PTPRT: variants seen among roughly 807,000 people sequenced by gnomAD.
PTPRT encodes the protein receptor-type tyrosine-protein phosphatase T.
Under a neutral mutation model 176.8 loss-of-function variants are expected in PTPRT, and 56 were observed. That is an observed-to-expected ratio of 0.32 (90% CI 0.26 to 0.40). PTPRT has a LOEUF of 0.40. PTPRT is among the 10% of genes least tolerant of loss of function. The pLI is 1.00. For synonymous variants in PTPRT, 783 were observed against 739.0 expected (o/e 1.06, Z -0.96); for missense variants, 1,540 against 1,908.2 (o/e 0.81, Z 3.60).
intron 9 of PTPRT, among the ~76,000 whole-genome samples, chr20:42,400,479 C>T (rs1259079574): frequency 6.6e-6 from 1 of 151,908 alleles, no homozygotes; most frequent in Non-Finnish European, 1.5e-5. Flanking sequence ...CAAGGACAAA[C>T]AAAGATATAT....
At chr20:42,591,759 A>C (rs2145758816) in intron 7 of PTPRT, among the ~76,000 whole-genome samples, 1 of 152,244 alleles carries the variant, frequency 6.6e-6, no homozygotes, top group South Asian at 2.1e-4. Flanking sequence ...TCACTTCTTC[A>C]AAAGTCAGGA....
At chr20:42,359,254 G>T (rs149236982) in intron 9 of PTPRT, among the ~76,000 whole-genome samples, 1 of 152,188 alleles carries the variant, frequency 6.6e-6, no homozygotes, top group Non-Finnish European at 1.5e-5. Context: ...CAACACCGGG[G>T]TCCCTTTGGA....
At chr20:42,592,657 C>G (rs775353082) in intron 7 of PTPRT, among the ~76,000 whole-genome samples, 7 of 152,186 alleles carry the variant, frequency 4.6e-5, no homozygotes, top group East Asian at 1.9e-4. Context: ...AAACACAAGG[C>G]TAGCCCCTCT....
intron 1 of PTPRT, among the ~76,000 whole-genome samples, chr20:43,162,908 A>T (rs998264248): frequency 6.6e-6 from 1 of 152,142 alleles, no homozygotes; most frequent in Admixed American, 6.5e-5. Context: ...TCTTACACCT[A>T]CCATCTCCGT....
At chr20:42,404,972 T>TTTTTTATATATATATATATA (rs960312629) in intron 9 of PTPRT, among the ~76,000 whole-genome samples, 2 of 77,956 alleles carry the variant, frequency 2.6e-5, no homozygotes, top group African/African-American at 9.4e-5. Context: ...GGCCAATTAA[T>TTTTTTATATATATATATATA]TATATATATA....
intron 1 of PTPRT, among the ~76,000 whole-genome samples, chr20:42,979,964 C>A (rs1424728386): frequency 2.3e-5 from 2 of 88,468 alleles, no homozygotes; most frequent in African/African-American, 9.5e-5. Context: ...GGAGAGCATG[C>A]AAGTATGCCG....
chr20:42,901,202 TC>T lies in PTPRT; in HGVS notation c.89-15271del, dbSNP rs2079398949. On this transcript the variant is annotated intron_variant, in intron 1 of 30. Transcript: ENST00000373187. ...TGGCCCCCTGGACACACTTTCTCTC[TC>T]AAACTGTCTTTTCTCATTCCTCTGA... Among the ~76,000 whole-genome samples the T allele has an allele frequency of 2.0e-5, 3 of 152,208 alleles. No individual in the cohort carries two copies. In the South Asian group the frequency reaches 6.2e-4, roughly 32 times the overall value.
chr20:43,047,276 G>T (rs1483634801), intron 1 of PTPRT, among the ~76,000 whole-genome samples: 1 of 152,092 alleles, frequency 6.6e-6, no homozygotes, highest in East Asian at 1.9e-4. Flanking sequence ...ATCTCCAGGG[G>T]AGTTTTGAAA....
intron 1 of PTPRT, among the ~76,000 whole-genome samples, chr20:43,159,603 A>G (rs2014630782): frequency 6.6e-6 from 1 of 152,196 alleles, no homozygotes; most frequent in Non-Finnish European, 1.5e-5. Context: ...ACATGAAGGG[A>G]AAACTTACTT....
intron 7 of PTPRT, among the ~76,000 whole-genome samples, chr20:42,659,937 G>T (rs6072815): frequency 1.3e-5 from 2 of 152,270 alleles, no homozygotes; most frequent in South Asian, 2.1e-4. Flanking sequence ...GCAGGAGTCA[G>T]GTGAGTCTGG....
intron 7 of PTPRT, among the ~76,000 whole-genome samples, chr20:42,581,607 C>T (rs2073374198): frequency 2.0e-5 from 3 of 151,192 alleles, no homozygotes; most frequent in Non-Finnish European, 4.4e-5. Flanking sequence ...TTAAACATTA[C>T]TCCATCCCTA....
intron 1 of PTPRT, among the ~76,000 whole-genome samples, chr20:43,113,129 G>C (rs112920276): frequency 0.018 from 2,699 of 151,790 alleles, 74 homozygotes; most frequent in African/African-American, 0.06. Context: ...GGTTTTGCAT[G>C]TAACTCATTC....
intron 19 of PTPRT, among the ~76,000 whole-genome samples, chr20:42,128,106 T>A (rs376916018): frequency 6.6e-6 from 1 of 152,200 alleles, no homozygotes; most frequent in South Asian, 2.1e-4. Context: ...CTGCTATGTA[T>A]CTCCTGGCCA....
intron 2 of PTPRT, among the ~76,000 whole-genome samples, chr20:42,848,673 T>C (rs2078418769): frequency 6.6e-6 from 1 of 152,224 alleles, no homozygotes; most frequent in Admixed American, 6.5e-5. Flanking sequence ...GTTGGGATTT[T>C]TTTTTCTAAT....
At chr20:42,649,500 T>G (rs2074989352) in intron 7 of PTPRT, among the ~76,000 whole-genome samples, 1 of 152,132 alleles carries the variant, frequency 6.6e-6, no homozygotes, top group Non-Finnish European at 1.5e-5. Context: ...CAGTCTGATT[T>G]CAGAATCATA....
At chr20:42,829,131 T>TA (rs2078046446) in intron 2 of PTPRT, among the ~76,000 whole-genome samples, 3 of 152,298 alleles carry the variant, frequency 2.0e-5, no homozygotes, top group African/African-American at 7.2e-5. Context: ...ATCTCTTCCA[T>TA]CAGCATGACC....
chr20:42,761,572 G>A (rs571671325), intron 5 of PTPRT, among the ~76,000 whole-genome samples: 1 of 152,352 alleles, frequency 6.6e-6, no homozygotes, highest in Non-Finnish European at 1.5e-5. Context: ...GGATTCCAAT[G>A]TCTGATAAAG....
intron 11 of PTPRT, among the ~76,000 whole-genome samples, chr20:42,326,516 CTG>C (rs2057884502): frequency 6.6e-6 from 1 of 152,168 alleles, no homozygotes; most frequent in African/African-American, 2.4e-5. Flanking sequence ...AATAAATACA[CTG>C]TACACCATGG....
rs774148472 is a variant in PTPRT at position 42,315,786 on chromosome 20, G to A, written c.2076C>T (p.Asn692=). 1 of 1,614,106 alleles carries A rather than the reference G, an allele frequency of 6.2e-7. No individual in the cohort carries two copies. The highest frequency in any genetic ancestry group is 8.5e-7 in the Non-Finnish European group (1 of 1,179,984). The change falls in exon 12 of 31, where the codon AAC becomes AAT. Residue 692 remains asparagine, a synonymous_variant. Coordinates refer to ENST00000373187, the MANE Select transcript of PTPRT (RefSeq NM_007050.6). ...GDNKTYNGYW[N]PPLSPLKSYS... is the part of the protein sequence containing the mutation. ...AGCTTTTCAGGGGAGAGAGAGGAGG[G>A]TTCCAGTAGCCATTGTATGTCTTAT...
Sources: allele counts gnomAD v4.1 joint callset (sites outside exome capture counted in the v4.1 genomes callset), GRCh38; gene constraint gnomAD v4.1.1; transcripts MANE v1.5; gene names NCBI Gene and HGNC (gene_info 2026-07-23, HGNC 2026-07-21).